NRCAM: variants seen among roughly 807,000 people sequenced by gnomAD.
NRCAM encodes the protein neuronal cell adhesion molecule.
In NRCAM, 83 loss-of-function variants were observed where a neutral mutation model predicts 156.5. That is an observed-to-expected ratio of 0.53 (90% CI 0.44 to 0.64). NRCAM has a LOEUF of 0.64. NRCAM is among the 30% of genes least tolerant of loss of function. NRCAM has a pLI of 0.00. For synonymous variants in NRCAM, 538 were observed against 563.9 expected (o/e 0.95, Z 0.65); for missense variants, 1,417 against 1,597.3 (o/e 0.89, Z 1.92).
At chr7:108,447,352 G>A (rs1449511846) in intron 1 of NRCAM, among the ~76,000 whole-genome samples, 1 of 143,202 alleles carries the variant, frequency 7.0e-6, no homozygotes. Flanking sequence ...TGAAACCTCT[G>A]CCTCCTGGGT....
chr7:108,160,270 T>C, intron 31 of NRCAM, 91 bp downstream of exon 31: 9 of 1,312,048 alleles, frequency 6.9e-6, no homozygotes, highest in Non-Finnish European at 9.6e-6. Context: ...GAAGACAAAA[T>C]ATTACAATCT....
At chr7:108,269,164 GAAAA>G (rs563265399) in intron 3 of NRCAM, among the ~76,000 whole-genome samples, 1 of 105,876 alleles carries the variant, frequency 9.4e-6, no homozygotes. Flanking sequence ...TGCTGTATTT[GAAAA>G]AAAAAAAAAA....
At chr7:108,394,233 A>G (rs1299782342) in intron 2 of NRCAM, among the ~76,000 whole-genome samples, 2 of 152,032 alleles carry the variant, frequency 1.3e-5, no homozygotes, top group Non-Finnish European at 2.9e-5. Flanking sequence ...AGCTGTCAAC[A>G]CTCCAAGAAG....
chr7:108,365,217 C>A (rs1465645649), intron 2 of NRCAM, among the ~76,000 whole-genome samples: 2 of 151,912 alleles, frequency 1.3e-5, no homozygotes, highest in Non-Finnish European at 2.9e-5. Context: ...GGTGTTATTA[C>A]CTACAGTTTA....
intron 13 of NRCAM, among the ~76,000 whole-genome samples, chr7:108,199,889 T>A (rs373969352): frequency 1.0e-3 from 155 of 152,270 alleles, no homozygotes; most frequent in African/African-American, 3.6e-3. Flanking sequence ...ACATACTGTA[T>A]CACATTTATA....
At chr7:108,389,771 G>A (rs777349185) in intron 2 of NRCAM, among the ~76,000 whole-genome samples, 9 of 152,164 alleles carry the variant, frequency 5.9e-5, no homozygotes, top group Non-Finnish European at 1.0e-4. Context: ...ATGAAGGGCT[G>A]TTGAATTTTG....
chr7:108,203,687 CCT>C (rs2079409183), intron 13 of NRCAM, among the ~76,000 whole-genome samples: 1 of 152,126 alleles, frequency 6.6e-6, no homozygotes, highest in Non-Finnish European at 1.5e-5. Context: ...AGTATGGTCC[CCT>C]GACTGTATCT....
At chr7:108,390,671 T>C (rs1316733907) in intron 2 of NRCAM, among the ~76,000 whole-genome samples, 2 of 152,202 alleles carry the variant, frequency 1.3e-5, no homozygotes, top group African/African-American at 2.4e-5. Context: ...TGTTAGGGTG[T>C]CAATTTTAGA....
chr7:108,242,577 T>C (rs549630619), intron 3 of NRCAM, among the ~76,000 whole-genome samples: 1 of 152,322 alleles, frequency 6.6e-6, no homozygotes, highest in East Asian at 1.9e-4. Flanking sequence ...ACATAAGCTT[T>C]AGGGAAGTTA....
At chr7:108,286,928 A>T (rs1231199203) in intron 3 of NRCAM, among the ~76,000 whole-genome samples, 4 of 152,146 alleles carry the variant, frequency 2.6e-5, no homozygotes, top group Non-Finnish European at 4.4e-5. Flanking sequence ...GGCACGTGAA[A>T]GAGGTTTGTT....
At chr7:108,365,768 T>G (rs1261310689) in intron 2 of NRCAM, among the ~76,000 whole-genome samples, 7 of 152,168 alleles carry the variant, frequency 4.6e-5, no homozygotes, top group African/African-American at 1.7e-4. Context: ...CTTTTCCAAT[T>G]CAGAGGTGAC....
chr7:108,160,373 CA>C lies in NRCAM; in HGVS notation c.3585del (p.Gly1196ValfsTer20). 6.2e-7 allele frequency: 1 copy of C among 1,612,208 alleles called. No homozygotes were observed. Among genetic ancestry groups the C allele is most frequent in the Non-Finnish European group, 8.5e-7 (1 of 1,179,010 alleles). Reference protein sequence around the residue: ...LIVCFIRRNKGGKYPVKEKED... With the variant: ...LIVCFIRRNKXGKYPVKEKED... The stretch of plus-strand genomic sequence containing the variant: ...CTTTCTTTCTTACCTGGATATTTAC[CA>C]CCCTTGTTTCTTCTGATGAAGCAAA... On this transcript the variant is annotated frameshift_variant, in exon 31 of 33. Coordinates refer to ENST00000379028, the MANE Select transcript of NRCAM (RefSeq NM_001037132.4). LOFTEE classifies it high-confidence loss of function.
intron 1 of NRCAM, among the ~76,000 whole-genome samples, chr7:108,423,401 G>A (rs965960357): frequency 9.2e-5 from 14 of 151,962 alleles, no homozygotes; most frequent in Admixed American, 5.9e-4. Flanking sequence ...GGGGATGGGG[G>A]TGGAAATCAC....
At chr7:108,382,768 T>C (rs2099707490) in intron 2 of NRCAM, among the ~76,000 whole-genome samples, 1 of 152,236 alleles carries the variant, frequency 6.6e-6, no homozygotes, top group South Asian at 2.1e-4. Flanking sequence ...TCACTTTTCT[T>C]AAAAGCTTAA....
chr7:108,210,306 G>A (rs985981130), intron 11 of NRCAM, among the ~76,000 whole-genome samples: 1 of 151,694 alleles, frequency 6.6e-6, no homozygotes, highest in African/African-American at 2.4e-5. Flanking sequence ...GAGTGCAGTG[G>A]CACGATCTGA....
chr7:108,159,713 T>A (rs759658558), intron 31 of NRCAM, among the ~76,000 whole-genome samples, 172 bp from the exon 32 acceptor site: 1 of 152,202 alleles, frequency 6.6e-6, no homozygotes, highest in Non-Finnish European at 1.5e-5. Flanking sequence ...TTTAGTTATT[T>A]TTGAGGCAAC....
chr7:108,407,445 C>T (rs2099810286), intron 1 of NRCAM, among the ~76,000 whole-genome samples: 1 of 152,172 alleles, frequency 6.6e-6, no homozygotes, highest in Non-Finnish European at 1.5e-5. Flanking sequence ...ATATATGGAG[C>T]ATTATTCAAC....
At chr7:108,199,335 C>T (rs1563399259) in intron 13 of NRCAM, among the ~76,000 whole-genome samples, 1 of 152,190 alleles carries the variant, frequency 6.6e-6, no homozygotes, top group Non-Finnish European at 1.5e-5. Flanking sequence ...GACCCAAACT[C>T]GAAGTATTTG....
At chr7:108,337,755 T>C (rs1011434897) in intron 2 of NRCAM, among the ~76,000 whole-genome samples, 3 of 151,960 alleles carry the variant, frequency 2.0e-5, no homozygotes, top group Admixed American at 1.3e-4. Flanking sequence ...TGCCACCATC[T>C]GGGAAGCGGC....
Sources: gnomAD v4.1 joint callset for allele counts (sites outside exome capture counted in the v4.1 genomes callset) on GRCh38, gnomAD v4.1.1 for gene constraint, MANE v1.5 for transcripts, NCBI Gene and HGNC (gene_info 2026-07-23, HGNC 2026-07-21) for gene names.